The following LARP1B variants were observed in gnomAD, a reference collection of about 807,000 sequenced individuals.
The protein encoded by LARP1B is La ribonucleoprotein 1B.
A neutral mutation model predicts 114.2 loss-of-function variants in LARP1B; 76 were observed. The ratio of observed to expected loss-of-function variants is 0.67; its 90% CI spans 0.55 to 0.81. LARP1B has a LOEUF of 0.81. LARP1B is among the 30% of genes least tolerant of loss of function. LARP1B has a pLI of 0.00. For synonymous variants in LARP1B, 345 were observed against 348.0 expected, an observed-to-expected ratio of 0.99 and a Z score of 0.10; for missense variants, 1,014 against 1,075.8, an observed-to-expected ratio of 0.94 and a Z score of 0.80.
Position 128,210,016 on chromosome 4 carries a change from G to T in LARP1B, c.2708G>T (p.Arg903Met). The T allele has an allele frequency of 6.2e-7, 1 of 1,614,092 alleles. No individual in the cohort carries two copies. The highest frequency in any genetic ancestry group is 1.1e-5 in the South Asian group (1 of 91,082). ...ELQVPINSPR[R>M]NISPESSDNS... ...CAGGTACCAATAAACTCTCCCAGAAGGAATATTTCACCGGAGTCCAGTGAC... is the reference window on the plus strand; with the variant it reads ...CAGGTACCAATAAACTCTCCCAGAATGAATATTTCACCGGAGTCCAGTGAC... The change falls in exon 20 of 20, where the codon AGG (arginine) becomes ATG (methionine). Residue 903 changes from arginine to methionine, a missense_variant. Coordinates refer to ENST00000326639, the MANE Select transcript of LARP1B (RefSeq NM_018078.4).
chr4:128,068,032 C>T (rs1257381748), intron 1 of LARP1B, among the ~76,000 whole-genome samples: 2 of 152,148 alleles, frequency 1.3e-5, no homozygotes, highest in African/African-American at 4.8e-5. Context: ...AGGCGCCCGC[C>T]ACCTTGCCCG....
At chr4:128,109,457 A>G (rs1783235037) in intron 9 of LARP1B, among the ~76,000 whole-genome samples, 2 of 152,080 alleles carry the variant, frequency 1.3e-5, no homozygotes, top group African/African-American at 4.8e-5. Flanking sequence ...GAATTTTCTA[A>G]TAGGGGTTGA....
At chr4:128,213,364 T>C (rs1759243188), downstream of LARP1B, among the ~76,000 whole-genome samples, 1 of 152,224 alleles carries the variant, frequency 6.6e-6, no homozygotes, top group African/African-American at 2.4e-5. Flanking sequence ...TGCTTGAAAA[T>C]ACCCCTTACG....
chr4:128,082,203 G>C lies in LARP1B; in HGVS notation c.256G>C (p.Val86Leu). The C allele has an allele frequency of 6.2e-7, 1 of 1,612,604 alleles. No individual in the cohort carries two copies. Among genetic ancestry groups the C allele is most frequent in the Non-Finnish European group, 8.5e-7 (1 of 1,179,926 alleles). The change falls in exon 5 of 20, where the codon GTA becomes CTA. Residue 86 changes from valine to leucine, a missense_variant. Transcript: ENST00000326639. ...GTGGGTACCACTCCACTTAGATGTT[G>C]TAAGATCAGAGAGTCAAGAAAGACC... is the stretch of plus-strand genomic sequence containing the variant. ...HKWVPLHLDV[V>L]RSESQERPGS... is the part of the protein sequence containing the mutation.
At chr4:128,082,605 AT>A (rs149728326) in intron 5 of LARP1B, among the ~76,000 whole-genome samples, 2,764 of 148,770 alleles carry the variant, frequency 0.019, 65 homozygotes, top group East Asian at 0.11. Context: ...ATTTAATTTA[AT>A]TTTTTTTTTC....
Position 128,211,679 on chromosome 4 carries a change from G to A in LARP1B, c.*1626G>A, listed in dbSNP as rs950462861. 37 of 985,058 alleles carry A rather than the reference G, an allele frequency of 3.8e-5. No individual in the cohort carries two copies. Among genetic ancestry groups the A allele is most frequent in the South Asian group, 9.4e-5 (2 of 21,292 alleles). 61.0% of individuals were successfully genotyped at this position (985,058 alleles called of 1,614,324 possible). A position where few individuals can be genotyped will look rare whatever the true frequency, so the allele number is the denominator to read the frequency against. ...CTTTTCAGTGAGAAATTTCCAAACC[G>A]TGCTTATTAGCTTTAAATGGTCTCT... On this transcript the variant is annotated 3_prime_UTR_variant, in exon 20 of 20. Transcript: ENST00000326639.
At chr4:128,214,441 C>G (rs960330845), downstream of LARP1B, among the ~76,000 whole-genome samples, 5 of 150,508 alleles carry the variant, frequency 3.3e-5, no homozygotes, top group Non-Finnish European at 7.4e-5. Flanking sequence ...TCTCCCAGCA[C>G]GCAGCTGGAG....
intron 17 of LARP1B, among the ~76,000 whole-genome samples, chr4:128,202,316 A>C (rs561195597): frequency 6.6e-6 from 1 of 152,294 alleles, no homozygotes; most frequent in Admixed American, 6.5e-5. Context: ...GTCAATTGTA[A>C]AATCAATTGA....
chr4:128,109,932 C>T (rs897058712), intron 9 of LARP1B, among the ~76,000 whole-genome samples: 1 of 151,388 alleles, frequency 6.6e-6, no homozygotes, highest in African/African-American at 2.5e-5. Flanking sequence ...GAGACGGAGC[C>T]TCACTCTGTC....
intron 12 of LARP1B, among the ~76,000 whole-genome samples, chr4:128,165,047 A>G (rs995646043): frequency 6.6e-6 from 1 of 152,122 alleles, no homozygotes; most frequent in African/African-American, 2.4e-5. Flanking sequence ...GTGTAATGCT[A>G]TTACATAAAG....
At chr4:128,189,244 A>G (rs537804918) in intron 15 of LARP1B, among the ~76,000 whole-genome samples, 1 of 137,952 alleles carries the variant, frequency 7.2e-6, no homozygotes, top group South Asian at 2.3e-4. Flanking sequence ...TTATCATCAT[A>G]CAGTGACCTT....
downstream of LARP1B, among the ~76,000 whole-genome samples, chr4:128,212,267 T>A (rs1219252235): frequency 6.6e-6 from 1 of 152,178 alleles, no homozygotes; most frequent in Admixed American, 6.6e-5. Context: ...TACATAGTAT[T>A]CCAGTGTGTG....
intron 5 of LARP1B, among the ~76,000 whole-genome samples, chr4:128,087,242 A>T (rs1386927492): frequency 6.6e-6 from 1 of 152,136 alleles, no homozygotes; most frequent in African/African-American, 2.4e-5. Flanking sequence ...TTTCACAGGG[A>T]TTGCTCAGAT....
At chr4:128,142,081 C>G (rs539228981) in intron 11 of LARP1B, among the ~76,000 whole-genome samples, 1 of 152,172 alleles carries the variant, frequency 6.6e-6, no homozygotes, top group South Asian at 2.1e-4. Flanking sequence ...ATGTAAACTT[C>G]CTGTCTCCTC....
At position 128,195,819 on chromosome 4, in the gene LARP1B, C is replaced by A. The variant is rs377294002; in HGVS notation, c.2004-3620C>A. On this transcript the variant is annotated intron_variant, in intron 15 of 19. Transcript: ENST00000326639. ...AAATCAAGGAAACTAAAAGTTGATTCTTTGAAGAGATCAACAAAATTGACG... is the reference window on the plus strand; with the variant it reads ...AAATCAAGGAAACTAAAAGTTGATTATTTGAAGAGATCAACAAAATTGACG... Among the ~76,000 whole-genome samples, 7 of 152,110 alleles carry A rather than the reference C, an allele frequency of 4.6e-5. No individual in the cohort carries two copies. The East Asian group carries it at 7.7e-4, about 17-fold the overall frequency.
rs56753518 is a variant in LARP1B, at chr4:128,156,863, T to TAA, written c.1525-5307_1525-5306dup. Among the ~76,000 whole-genome samples the TAA allele has an allele frequency of 5.2e-3, 417 of 80,754 alleles. 2 individuals are homozygous for TAA. The highest frequency in any genetic ancestry group is 6.5e-3 in the South Asian group (12 of 1,854). 53.0% of individuals were successfully genotyped at this position (80,754 alleles called of 152,430 possible). On this transcript the variant is annotated intron_variant, in intron 11 of 19. Transcript: ENST00000326639. ...CAAAATGGAATAAAAGGCTTGAAGC[T>TAA]AAAAAAAAAAAAAAAAAAAAAAAAA... is the stretch of plus-strand genomic sequence containing the variant.
intron 6 of LARP1B, chr4:128,220,276 C>G (rs1370465165): frequency 7.0e-6 from 3 of 426,230 alleles, no homozygotes; most frequent in Admixed American, 6.4e-5. Flanking sequence ...TCACCACTTT[C>G]CTTTGTGTGT....
chr4:128,113,781 C>CTTTTTTT (rs1156610852), intron 9 of LARP1B, among the ~76,000 whole-genome samples: 4 of 114,234 alleles, frequency 3.5e-5, no homozygotes, highest in Non-Finnish European at 5.3e-5. Flanking sequence ...GACATTTACT[C>CTTTTTTT]TTTTTTTTTT....
chr4:128,168,595 T>G (rs558428701), intron 12 of LARP1B, among the ~76,000 whole-genome samples: 1 of 152,088 alleles, frequency 6.6e-6, no homozygotes, highest in Non-Finnish European at 1.5e-5. Context: ...TGGCTTGTCT[T>G]AATTAGTCTG....
Sources: gnomAD v4.1 joint callset for allele counts (sites outside exome capture counted in the v4.1 genomes callset) on GRCh38, gnomAD v4.1.1 for gene constraint, MANE v1.5 for transcripts, NCBI Gene and HGNC (gene_info 2026-07-23, HGNC 2026-07-21) for gene names.